MTUS2: variants seen among roughly 807,000 people sequenced by gnomAD.
MTUS2 encodes the protein microtubule associated scaffold protein 2, also known as microtubule-associated tumor suppressor candidate 2.
A neutral mutation model predicts 114.1 loss-of-function variants in MTUS2; 40 were observed. The observed-to-expected ratio is 0.35, with a 90% CI of 0.27 to 0.46. The LOEUF (loss-of-function observed/expected upper bound fraction) is 0.46, where lower values mean the gene tolerates loss of function less well. MTUS2 is among the 20% of genes least tolerant of loss of function. MTUS2 has a pLI of 1.00. For synonymous variants in MTUS2, 688 were observed against 672.0 expected, an observed-to-expected ratio of 1.02 and a Z score of -0.37; for missense variants, 1,679 against 1,705.4, an observed-to-expected ratio of 0.98 and a Z score of 0.27.
At chr13:28,834,444 T>C (rs1239633367) in intron 1 of MTUS2, among the ~76,000 whole-genome samples, 1 of 152,152 alleles carries the variant, frequency 6.6e-6, no homozygotes, top group Non-Finnish European at 1.5e-5. Flanking sequence ...GAATGAATGA[T>C]CTTTTTAATA....
chr13:28,852,093 T>C (rs1333737078), intron 2 of MTUS2, among the ~76,000 whole-genome samples: 1 of 152,212 alleles, frequency 6.6e-6, no homozygotes, highest in Non-Finnish European at 1.5e-5. Flanking sequence ...TTGCACTTGC[T>C]GTGCCCTCTG....
At chr13:28,906,074 T>C (rs1232406019) in intron 2 of MTUS2, among the ~76,000 whole-genome samples, 1 of 151,668 alleles carries the variant, frequency 6.6e-6, no homozygotes, top group African/African-American at 2.4e-5. Context: ...GATGGTAGTT[T>C]ATATTTCTGT....
intron 2 of MTUS2, among the ~76,000 whole-genome samples, chr13:29,002,611 A>G (rs961428091): frequency 6.6e-6 from 1 of 152,236 alleles, no homozygotes; most frequent in Non-Finnish European, 1.5e-5. Flanking sequence ...GCTTTCATAC[A>G]GTCATATTTG....
rs181534260 is a variant in MTUS2 at position 28,894,439 on chromosome 13, G to C, written c.-243+54589G>C. 4.6e-3 allele frequency among the ~76,000 whole-genome samples: 690 copies of C among 151,542 alleles called. 3 individuals carry two copies. The highest frequency in any genetic ancestry group is 0.01 in the Middle Eastern group (3 of 290). ...GGTTGACCATCTGCAAGCCGGGAAG[G>C]GGGTACCCTCACCACAAACAAAATC... On this transcript the variant is annotated intron_variant, in intron 2 of 15. Transcript: ENST00000612955.
At chr13:29,364,917 T>G (rs1198833267) in intron 8 of MTUS2, among the ~76,000 whole-genome samples, 1 of 152,236 alleles carries the variant, frequency 6.6e-6, no homozygotes, top group Admixed American at 6.5e-5. Flanking sequence ...CTTAATTTTA[T>G]CTTGAATAAC....
At chr13:28,919,983 T>G (rs1880955494) in intron 2 of MTUS2, among the ~76,000 whole-genome samples, 1 of 152,244 alleles carries the variant, frequency 6.6e-6, no homozygotes, top group Admixed American at 6.5e-5. Context: ...TGTGTTATCT[T>G]GATTTCTTTG....
chr13:29,473,188 A>G (rs1566221474), intron 9 of MTUS2, among the ~76,000 whole-genome samples: 1 of 152,154 alleles, frequency 6.6e-6, no homozygotes, highest in Non-Finnish European at 1.5e-5. Flanking sequence ...GTATTGGTTC[A>G]TCATTTATTT....
intron 6 of MTUS2, among the ~76,000 whole-genome samples, chr13:29,300,010 C>A (rs893009184): frequency 6.6e-6 from 1 of 152,126 alleles, no homozygotes; most frequent in Non-Finnish European, 1.5e-5. Context: ...TCCTCTATTA[C>A]AAATTAAGTG....
intron 5 of MTUS2, among the ~76,000 whole-genome samples, chr13:29,154,095 C>A (rs1165771216): frequency 6.6e-6 from 1 of 152,150 alleles, no homozygotes; most frequent in Non-Finnish European, 1.5e-5. Context: ...TTGTTCCAGC[C>A]CTGGCCTTGC....
rs1015656122 is a variant in MTUS2, at chr13:29,320,288, G to A, written c.2807-4325G>A. ...CGAGAGGCGAACAAGGCAAGGAAACGGACTCTCCCCTGGAGAGTCTAGAAG... is the reference window on the plus strand; with the variant it reads ...CGAGAGGCGAACAAGGCAAGGAAACAGACTCTCCCCTGGAGAGTCTAGAAG... On this transcript the variant is annotated intron_variant, in intron 6 of 15. Coordinates refer to ENST00000612955, the MANE Select transcript of MTUS2 (RefSeq NM_001033602.4). 2.0e-5 allele frequency among the ~76,000 whole-genome samples: 3 copies of A among 152,148 alleles called. 1 individual carries two copies.
intron 6 of MTUS2, among the ~76,000 whole-genome samples, chr13:29,319,098 C>G (rs1303818453): frequency 6.6e-6 from 1 of 152,188 alleles, no homozygotes; most frequent in Non-Finnish European, 1.5e-5. Flanking sequence ...ACACGAGGAG[C>G]CTTCTTGACC....
At chr13:29,162,102 G>T (rs993858775) in intron 5 of MTUS2, among the ~76,000 whole-genome samples, 1 of 151,948 alleles carries the variant, frequency 6.6e-6, no homozygotes, top group Non-Finnish European at 1.5e-5. Flanking sequence ...ATTCACAGAG[G>T]TCCCTTCTCT....
At chr13:29,269,379 A>G (rs1158242640) in intron 5 of MTUS2, among the ~76,000 whole-genome samples, 1 of 152,354 alleles carries the variant, frequency 6.6e-6, no homozygotes, top group East Asian at 1.9e-4. Context: ...ACATTCCTCA[A>G]GTTTCAAAAA....
chr13:29,317,994 T>C lies in MTUS2; in HGVS notation c.2807-6619T>C, dbSNP rs893296704. On this transcript the variant is annotated intron_variant, in intron 6 of 15. Coordinates refer to ENST00000612955, the MANE Select transcript of MTUS2 (RefSeq NM_001033602.4). Reference sequence around the variant, plus strand: ...TGGCCACCTTTGCTTTTCCCTCTTCTTGCTTTGCTCCGTCTGCGTCTGCAA... The same window carrying C: ...TGGCCACCTTTGCTTTTCCCTCTTCCTGCTTTGCTCCGTCTGCGTCTGCAA... 2.6e-5 allele frequency among the ~76,000 whole-genome samples: 4 copies of C among 152,314 alleles called. No individual in the cohort carries two copies. In the East Asian group the frequency reaches 7.7e-4, roughly 29 times the overall value.
Position 29,375,623 on chromosome 13 carries a change from A to G in MTUS2, c.3117+16150A>G, listed in dbSNP as rs1273274778. Among the ~76,000 whole-genome samples, 5 of 10,254 alleles carry G rather than the reference A, an allele frequency of 4.9e-4. 1 individual carries two copies. The highest frequency in any genetic ancestry group is 1.1e-3 in the African/African-American group (5 of 4,522). The allele number at this position is 10,254 out of a possible 152,430, so 6.7% of individuals were successfully genotyped here. On this transcript the variant is annotated intron_variant, in intron 8 of 15. Coordinates refer to ENST00000612955, the MANE Select transcript of MTUS2 (RefSeq NM_001033602.4). ...TATATATATACGTATATATATATAT[A>G]TATATATATATATATACACACACCA...
chr13:28,847,671 A>G (rs1428459094), intron 2 of MTUS2, among the ~76,000 whole-genome samples: 4 of 152,050 alleles, frequency 2.6e-5, no homozygotes, highest in African/African-American at 9.7e-5. Flanking sequence ...TCTTGATAGC[A>G]TCTTCCTAGA....
intron 5 of MTUS2, among the ~76,000 whole-genome samples, chr13:29,150,412 T>G (rs2139037149): frequency 6.6e-6 from 1 of 152,308 alleles, no homozygotes; most frequent in South Asian, 2.1e-4. Flanking sequence ...TGTCTTTCAC[T>G]TAAGTTCCTT....
chr13:29,371,138 A>G (rs1438332155), intron 8 of MTUS2, among the ~76,000 whole-genome samples: 1 of 152,144 alleles, frequency 6.6e-6, no homozygotes, highest in Admixed American at 6.5e-5. Flanking sequence ...AATAATTGTA[A>G]ACACCTGATG....
intron 6 of MTUS2, among the ~76,000 whole-genome samples, chr13:29,286,820 A>G (rs922385155): frequency 1.3e-5 from 2 of 152,120 alleles, no homozygotes; most frequent in Non-Finnish European, 2.9e-5. Flanking sequence ...CCTCCTGAGT[A>G]GCTGTGATTA....
Sources: allele counts gnomAD v4.1 joint callset (sites outside exome capture counted in the v4.1 genomes callset), GRCh38; gene constraint gnomAD v4.1.1; transcripts MANE v1.5; gene names NCBI Gene and HGNC (gene_info 2026-07-23, HGNC 2026-07-21).